The following CORO2B variants were observed in gnomAD, a reference collection of about 807,000 sequenced individuals.
CORO2B encodes the protein coronin-2B.
In CORO2B, 26 loss-of-function variants were observed where a neutral mutation model predicts 58.8. The observed-to-expected ratio is 0.44, with a 90% CI of 0.32 to 0.61. The LOEUF (loss-of-function observed/expected upper bound fraction) is 0.61, where lower values mean the gene tolerates loss of function less well. Among genes scored for constraint, CORO2B ranks in the 20% least tolerant of loss-of-function variants. The pLI is 0.04. For missense variants in CORO2B, 460 were observed against 645.1 expected (o/e 0.71, Z 3.11); for synonymous variants, 242 against 253.8 (o/e 0.95, Z 0.44).
the CORO2B span, among the ~76,000 whole-genome samples, chr15:68,561,426 C>A: frequency 6.6e-6 from 1 of 152,038 alleles, no homozygotes; most frequent in East Asian, 1.9e-4. Flanking sequence ...TCAGAGCAAG[C>A]ACCTGGACAA....
chr15:68,613,313 CAAAT>C (rs1207035956), intron 1 of CORO2B, among the ~76,000 whole-genome samples: 3 of 152,178 alleles, frequency 2.0e-5, no homozygotes, highest in Non-Finnish European at 4.4e-5. Context: ...CTGCAAAAAA[CAAAT>C]CTTCAAACCC....
At chr15:68,661,762 T>G (rs142265147) in intron 2 of CORO2B, among the ~76,000 whole-genome samples, 5,837 of 152,294 alleles carry the variant, frequency 0.038, 214 homozygotes, top group African/African-American at 0.099. Context: ...ATCCTAGCAC[T>G]TTGGGAGGCC....
chr15:68,619,679 G>GTATATA (rs555650314), intron 1 of CORO2B, among the ~76,000 whole-genome samples: 1 of 151,822 alleles, frequency 6.6e-6, no homozygotes, highest in African/African-American at 2.4e-5. Flanking sequence ...GTGTGTGTGT[G>GTATATA]TATATATATA....
intron 2 of CORO2B, among the ~76,000 whole-genome samples, chr15:68,678,923 G>A (rs769627800): frequency 2.0e-5 from 3 of 152,210 alleles, no homozygotes; most frequent in East Asian, 1.9e-4. Flanking sequence ...CCAGGGGACC[G>A]CTGTACTCAG....
chr15:68,533,998 C>G, the CORO2B span, among the ~76,000 whole-genome samples: 1 of 152,182 alleles, frequency 6.6e-6, no homozygotes, highest in Non-Finnish European at 1.5e-5. Flanking sequence ...TGACCCCTGG[C>G]TTCCTAACAT....
chr15:68,704,039 TACAC>T (rs10566834), intron 3 of CORO2B, among the ~76,000 whole-genome samples: 55,078 of 127,054 alleles, frequency 0.43, 11,132 homozygotes, highest in South Asian at 0.53. Flanking sequence ...TACACACACA[TACAC>T]ACACACACAC....
chr15:68,695,111 TTC>T (rs149581487), intron 2 of CORO2B, 27 bp from the exon 3 acceptor site: 28,992 of 1,264,146 alleles, frequency 0.023, no homozygotes, highest in Non-Finnish European at 0.025. Flanking sequence ...ACTAATCTCC[TTC>T]TCTCTCTCTC....
Position 68,653,876 on chromosome 15 carries a change from C to A in CORO2B, c.216+8516C>A, listed in dbSNP as rs181378581. On this transcript the variant is annotated intron_variant, in intron 2 of 11. Coordinates refer to ENST00000261861, the MANE Select transcript of CORO2B (RefSeq NM_006091.5). ...CTCCCCCAGGAAAAAAAAAAAAATG[C>A]CTGAATCTTCATCACTGCTCTGCAG... 4.2e-3 allele frequency among the ~76,000 whole-genome samples: 645 copies of A among 152,128 alleles called. 3 individuals are homozygous for A. Among genetic ancestry groups the A allele is most frequent in the African/African-American group, 0.015 (605 of 41,514 alleles).
At chr15:68,723,450 G>GTTGTT (rs1040391062) in intron 11 of CORO2B, among the ~76,000 whole-genome samples, 16 of 151,152 alleles carry the variant, frequency 1.1e-4, no homozygotes, top group East Asian at 8.0e-4. Flanking sequence ...CTTTGTTGTT[G>GTTGTT]TTGTTTTGTT....
At chr15:68,607,555 T>C (rs1364280780) in intron 1 of CORO2B, among the ~76,000 whole-genome samples, 2 of 152,160 alleles carry the variant, frequency 1.3e-5, no homozygotes, top group Admixed American at 1.3e-4. Flanking sequence ...CGGTGGCTCA[T>C]GCCTGTGATC....
At chr15:68,573,493 G>C in the CORO2B span, among the ~76,000 whole-genome samples, 14 of 152,240 alleles carry the variant, frequency 9.2e-5, no homozygotes, top group East Asian at 2.7e-3. Flanking sequence ...AGCAGGGAAG[G>C]GTTGTGGTGG....
In CORO2B at chr15:68,632,083, A is replaced by G. The variant is rs1169504263; in HGVS notation, c.16-13077A>G. On this transcript the variant is annotated intron_variant, in intron 1 of 11. Transcript: ENST00000261861. ...CTCCCAGGCCTCTCAGATGCCTGGAATTTCGGAGCTAGAAGGTAGTCAGAT... is the reference window on the plus strand; with the variant it reads ...CTCCCAGGCCTCTCAGATGCCTGGAGTTTCGGAGCTAGAAGGTAGTCAGAT... 3 of 985,366 alleles carry G rather than the reference A, an allele frequency of 3.0e-6. No homozygotes were observed. The African/African-American group carries it at 5.2e-5, about 17-fold the overall frequency. The allele number at this position is 985,366 out of a possible 1,614,324, so 61.0% of individuals were successfully genotyped here. A position where few individuals can be genotyped will look rare whatever the true frequency, so the allele number is the denominator to read the frequency against.
chr15:68,659,103 G>A (rs1339929876), intron 2 of CORO2B, among the ~76,000 whole-genome samples: 2 of 152,228 alleles, frequency 1.3e-5, no homozygotes, highest in African/African-American at 4.8e-5. Flanking sequence ...CAAAGGACCT[G>A]CAGTGGACGG....
intron 1 of CORO2B, among the ~76,000 whole-genome samples, chr15:68,616,139 G>A (rs915062612): frequency 2.0e-5 from 3 of 152,090 alleles, no homozygotes; most frequent in South Asian, 2.1e-4. Context: ...CTGACTCTAC[G>A]GCCTGTGCTT....
intron 1 of CORO2B, among the ~76,000 whole-genome samples, chr15:68,582,560 A>G (rs1899454528): frequency 6.6e-6 from 1 of 152,218 alleles, no homozygotes; most frequent in Non-Finnish European, 1.5e-5. Flanking sequence ...TCAGTCATGT[A>G]CCAGACTAGC....
intron 3 of CORO2B, among the ~76,000 whole-genome samples, chr15:68,708,574 G>T (rs1430659410): frequency 1.3e-5 from 2 of 151,844 alleles, no homozygotes; most frequent in Non-Finnish European, 2.9e-5. Context: ...GTGTTAGCCA[G>T]GATGGTCTCG....
chr15:68,641,951 A>G (rs1479085364), intron 1 of CORO2B, among the ~76,000 whole-genome samples: 1 of 151,212 alleles, frequency 6.6e-6, no homozygotes, highest in African/African-American at 2.4e-5. Context: ...AGTGTCTCCA[A>G]TGCCTGGGTT....
At chr15:68,548,213 AAATC>A in the CORO2B span, among the ~76,000 whole-genome samples, 1 of 151,296 alleles carries the variant, frequency 6.6e-6, no homozygotes, top group African/African-American at 2.4e-5. Flanking sequence ...GTGTTTTAAA[AAATC>A]AATCCATGTT....
chr15:68,597,015 C>T (rs956781023), intron 1 of CORO2B, among the ~76,000 whole-genome samples: 2 of 152,258 alleles, frequency 1.3e-5, no homozygotes, highest in East Asian at 3.9e-4. Flanking sequence ...TCAGGGACCG[C>T]CCTCCCCTGC....
Sources: allele counts gnomAD v4.1 joint callset (sites outside exome capture counted in the v4.1 genomes callset), GRCh38; gene constraint gnomAD v4.1.1; transcripts MANE v1.5; gene names NCBI Gene and HGNC (gene_info 2026-07-23, HGNC 2026-07-21).